POMK: variants seen among roughly 807,000 people sequenced by gnomAD.
POMK encodes protein O-mannose kinase.
POMK carries 19 observed loss-of-function variants against 23.0 expected under a neutral mutation model. The ratio of observed to expected loss-of-function variants is 0.83; its 90% confidence interval spans 0.58 to 1.21. The LOEUF (loss-of-function observed/expected upper bound fraction) is 1.21. POMK is among the 50% of genes most tolerant of loss of function. The probability of loss-of-function intolerance (pLI) is 0.00; values close to 1 mark genes in which losing one functional copy is unlikely to be tolerated. For missense variants in POMK, 410 were observed against 431.3 expected (o/e 0.95, Z 0.44); for synonymous variants, 173 against 171.6 (o/e 1.01, Z -0.06).
chr8:43,094,985 A>G (rs1297301205), intron 1 of POMK, among the ~76,000 whole-genome samples: 1 of 152,204 alleles, frequency 6.6e-6, no homozygotes, highest in African/African-American at 2.4e-5. Context: ...ACACAGCCTC[A>G]TGCTATGCTC....
chr8:43,104,677 T>G (rs1225631092), intron 4 of POMK, among the ~76,000 whole-genome samples: 1 of 152,146 alleles, frequency 6.6e-6, no homozygotes, highest in Non-Finnish European at 1.5e-5. Flanking sequence ...AGGCGCAGTG[T>G]CTTATACATG....
chr8:43,106,204 G>A (rs1369178156), intron 4 of POMK, among the ~76,000 whole-genome samples: 1 of 152,078 alleles, frequency 6.6e-6, no homozygotes, highest in Non-Finnish European at 1.5e-5. Flanking sequence ...GGGTGAGATG[G>A]TATCTCATTG....
At chr8:43,114,143 T>A (rs1194948186) in intron 4 of POMK, among the ~76,000 whole-genome samples, 1 of 152,232 alleles carries the variant, frequency 6.6e-6, no homozygotes, top group Non-Finnish European at 1.5e-5. Flanking sequence ...TTCAAAGCTG[T>A]CAGACAGGGA....
intron 4 of POMK, among the ~76,000 whole-genome samples, chr8:43,109,790 C>G (rs952453367): frequency 6.6e-6 from 1 of 152,182 alleles, no homozygotes; most frequent in Non-Finnish European, 1.5e-5. Context: ...ATCTACCTGC[C>G]TCAGCCTCCC....
At chr8:43,110,557 A>T (rs986051493) in intron 4 of POMK, among the ~76,000 whole-genome samples, 15 of 152,226 alleles carry the variant, frequency 9.9e-5, no homozygotes, top group African/African-American at 3.1e-4. Context: ...CTTTTCCTAA[A>T]CATCCCTCTT....
Position 43,122,497 on chromosome 8 carries a change from G to T in POMK, c.673G>T (p.Ala225Ser). The part of the protein sequence containing the change: ...YLLTSNFSIL[A>S]NDLDALPLVN... ...GCTAACAAGCAACTTCAGCATTTTG[G>T]CAAATGACTTGGACGCCTTACCCCT... is the stretch of plus-strand genomic sequence containing the variant. Residue 225 changes from alanine to serine, a missense_variant, in exon 5 of 5, where the codon GCA becomes TCA. Physicochemically the swap from Ala to Ser is moderately conservative, Grantham distance 99 (BLOSUM62 1). Transcript: ENST00000331373. 6.2e-7 allele frequency: 1 copy of T among 1,614,122 alleles called. No individual in the cohort carries two copies. Among genetic ancestry groups the T allele is most frequent in the Non-Finnish European group, 8.5e-7 (1 of 1,180,014 alleles).
chr8:43,106,142 C>G (rs576432202), intron 4 of POMK, among the ~76,000 whole-genome samples: 1 of 152,306 alleles, frequency 6.6e-6, no homozygotes, highest in Admixed American at 6.5e-5. Context: ...TTCTCTGCAT[C>G]TTCACCAGCA....
intron 4 of POMK, among the ~76,000 whole-genome samples, chr8:43,105,345 C>T (rs919778035): frequency 8.5e-5 from 13 of 152,218 alleles, no homozygotes; most frequent in African/African-American, 2.9e-4. Context: ...CTTTGCTCTA[C>T]CCTTCCCAGC....
chr8:43,110,073 T>C (rs1447285577), intron 4 of POMK, among the ~76,000 whole-genome samples: 1 of 152,220 alleles, frequency 6.6e-6, no homozygotes, highest in Non-Finnish European at 1.5e-5. Flanking sequence ...ACTTTTCCTA[T>C]CTCATTTAAA....
chr8:43,106,688 G>A (rs1344371516), intron 4 of POMK, among the ~76,000 whole-genome samples: 1 of 151,860 alleles, frequency 6.6e-6, no homozygotes, highest in Non-Finnish European at 1.5e-5. Context: ...TAGTAAAAAT[G>A]GGGTTTCTCC....
chr8:43,114,776 T>C (rs562737852), intron 4 of POMK, among the ~76,000 whole-genome samples: 1 of 152,232 alleles, frequency 6.6e-6, no homozygotes, highest in South Asian at 2.1e-4. Flanking sequence ...TTGAGATTTT[T>C]AAACCCAAGA....
At chr8:43,094,427 C>G (rs1332402114) in intron 1 of POMK, among the ~76,000 whole-genome samples, 3 of 152,178 alleles carry the variant, frequency 2.0e-5, no homozygotes, top group Non-Finnish European at 4.4e-5. Context: ...GACTCTGTCT[C>G]AGCTCTTTGC....
intron 2 of POMK, among the ~76,000 whole-genome samples, chr8:43,099,806 G>T (rs114463705): frequency 1.2e-3 from 190 of 152,284 alleles, no homozygotes; most frequent in African/African-American, 4.5e-3. Flanking sequence ...GGTGGGGCTT[G>T]GGAACTGGTG....
intron 2 of POMK, among the ~76,000 whole-genome samples, chr8:43,101,082 A>G (rs907307895): frequency 1.1e-4 from 16 of 152,082 alleles, no homozygotes; most frequent in African/African-American, 3.1e-4. Context: ...TTGAGGTTCC[A>G]GGGAATACTG....
intron 4 of POMK, among the ~76,000 whole-genome samples, chr8:43,108,282 A>C (rs898381337): frequency 6.6e-6 from 1 of 152,242 alleles, no homozygotes; most frequent in Non-Finnish European, 1.5e-5. Context: ...GTACAAGTCA[A>C]GGTTGATTCC....
intron 4 of POMK, among the ~76,000 whole-genome samples, chr8:43,111,611 G>T (rs1007039335): frequency 1.3e-5 from 2 of 152,232 alleles, no homozygotes; most frequent in African/African-American, 4.8e-5. Context: ...CTCAGAATGG[G>T]CAGACTACCT....
chr8:43,122,525 T>C lies in POMK; in HGVS notation c.701T>C (p.Val234Ala), dbSNP rs185390123. ...AATGACTTGGACGCCTTACCCCTGG[T>C]GAACCACAGCTCCGGGATGCTGGTG... is the stretch of plus-strand genomic sequence containing the variant. Reference protein sequence around the residue: ...LANDLDALPLVNHSSGMLVKC... With the variant: ...LANDLDALPLANHSSGMLVKC... The change falls in exon 5 of 5, where the codon GTG becomes GCG. Residue 234 changes from valine (V) to alanine (A), a missense_variant. By Grantham distance (64) the Val-to-Ala change is moderately conservative. Transcript: ENST00000331373. The C allele has an allele frequency of 3.8e-5, 62 of 1,614,140 alleles. No individual in the cohort carries two copies. Among genetic ancestry groups the C allele is most frequent in the Admixed American group, 2.5e-4 (15 of 60,014 alleles).
intron 4 of POMK, among the ~76,000 whole-genome samples, chr8:43,107,154 A>G (rs948811420): frequency 6.6e-6 from 1 of 152,194 alleles, no homozygotes; most frequent in Non-Finnish European, 1.5e-5. Flanking sequence ...TAAAGGTTTG[A>G]AAGCATTAGT....
intron 4 of POMK, among the ~76,000 whole-genome samples, chr8:43,106,650 C>G (rs1166677822): frequency 6.6e-6 from 1 of 151,634 alleles, no homozygotes; most frequent in Non-Finnish European, 1.5e-5. Flanking sequence ...GCTGGGATTA[C>G]AGGCGCCCAC....
Sources: allele counts gnomAD v4.1 joint callset (sites outside exome capture counted in the v4.1 genomes callset), GRCh38; gene constraint gnomAD v4.1.1; transcripts MANE v1.5; gene names NCBI Gene and HGNC (gene_info 2026-07-23, HGNC 2026-07-21).